TMEM220: variants seen among roughly 807,000 people sequenced by gnomAD.
TMEM220 encodes the protein transmembrane protein 220.
Under a neutral mutation model 21.7 loss-of-function variants are expected in TMEM220, and 21 were observed. That is an observed-to-expected ratio of 0.97 (90% CI 0.69 to 1.39). TMEM220 has a LOEUF of 1.39. Among genes scored for constraint, TMEM220 ranks in the 40% most tolerant of loss-of-function variants. The pLI is 0.00. For synonymous variants in TMEM220, 80 were observed against 73.6 expected, an observed-to-expected ratio of 1.09 and a Z score of -0.45; for missense variants, 191 against 201.9, an observed-to-expected ratio of 0.95 and a Z score of 0.33.
chr17:10,725,367 C>T (rs982978092), intron 3 of TMEM220, among the ~76,000 whole-genome samples: 1 of 152,164 alleles, frequency 6.6e-6, no homozygotes, highest in African/African-American at 2.4e-5. Context: ...AGGATGATTA[C>T]CCTTATTTTC....
chr17:10,729,688 C>A (rs912133069), intron 1 of TMEM220, 92 bp downstream of exon 1: 35 of 1,138,010 alleles, frequency 3.1e-5, no homozygotes, highest in Non-Finnish European at 3.7e-5. Context: ...TGCGCCCCTG[C>A]GACTCTGCCC....
In TMEM220 at chr17:10,715,292, C is replaced by T. The variant is rs2074898101; in HGVS notation, c.*161G>A. On this transcript the variant is annotated 3_prime_UTR_variant, in exon 6 of 6. Transcript: ENST00000341871. ...ATATCAGACCATCTCTTACTTGTCC[C>T]ATCCAATCTTACATCGAATTATATG... The T allele has an allele frequency of 5.2e-6, 3 of 578,040 alleles. No individual in the cohort carries two copies. The highest frequency in any genetic ancestry group is 2.0e-5 in the African/African-American group (1 of 50,740). The allele number at this position is 578,040 out of a possible 1,614,324, so 35.8% of individuals were successfully genotyped here.
At chr17:10,711,550 C>T (rs379403), downstream of TMEM220, among the ~76,000 whole-genome samples, 75,377 of 151,708 alleles carry the variant, frequency 0.5, 19,469 homozygotes, top group African/African-American at 0.65. Context: ...TGGACAATTT[C>T]TGCTCAGAAC....
chr17:10,726,150 T>A, intron 3 of TMEM220, 54 bp downstream of exon 3: 1 of 1,445,998 alleles, frequency 6.9e-7, no homozygotes, highest in Non-Finnish European at 9.7e-7. Flanking sequence ...AGACCCTCAT[T>A]ATTATGAGGA....
At chr17:10,726,336 G>C (rs2151480247) in intron 2 of TMEM220, 72 bp from the exon 3 acceptor site, 1 of 1,264,986 alleles carries the variant, frequency 7.9e-7, no homozygotes, top group East Asian at 2.3e-5. Context: ...CAGAGATACA[G>C]GAAGTAAAGA....
chr17:10,725,177 C>A (rs1255294089), intron 3 of TMEM220, 43 bp from the exon 4 acceptor site: 5 of 1,600,446 alleles, frequency 3.1e-6, no homozygotes, highest in Admixed American at 3.5e-5. Flanking sequence ...GGAATCACAG[C>A]CCACAGAAAA....
At chr17:10,711,599 T>C (rs531433630), downstream of TMEM220, among the ~76,000 whole-genome samples, 27 of 152,358 alleles carry the variant, frequency 1.8e-4, no homozygotes, top group African/African-American at 6.5e-4. Context: ...ATTCCCATTT[T>C]GTAAACAAAA....
chr17:10,723,225 C>A (rs542304357), intron 5 of TMEM220, 45 bp downstream of exon 5: 3 of 1,559,928 alleles, frequency 1.9e-6, no homozygotes, highest in Non-Finnish European at 2.7e-6. Context: ...GTGATCTGCC[C>A]GCCTCGGCCT....
At chr17:10,726,118 T>C in intron 3 of TMEM220, 86 bp downstream of exon 3, 3 of 1,095,396 alleles carry the variant, frequency 2.7e-6, no homozygotes, top group South Asian at 2.5e-5. Context: ...AGCCCCGTTT[T>C]ACTCCTGGGA....
At position 10,726,279 on chromosome 17, in the gene TMEM220, G is replaced by A. The variant is rs372265640; in HGVS notation, c.103-15C>T. ...GTGTACACCACCTGTTAGCAAAAAG[G>A]GAGGAAATTACATGAGTTAAGATGT... On this transcript the variant is annotated splice_polypyrimidine_tract_variant and intron_variant, in intron 2 of 5. Coordinates refer to ENST00000341871, the MANE Select transcript of TMEM220 (RefSeq NM_001004313.3). The A allele has an allele frequency of 3.5e-5, 56 of 1,610,630 alleles. No homozygotes were observed. The African/African-American group carries it at 6.3e-4, about 18-fold the overall frequency.
chr17:10,712,327 G>A (rs404344), downstream of TMEM220, among the ~76,000 whole-genome samples: 75,430 of 151,720 alleles, frequency 0.5, 19,498 homozygotes, highest in African/African-American at 0.65. Context: ...GGACACTTGT[G>A]GTAACATTCA....
intron 4 of TMEM220, among the ~76,000 whole-genome samples, chr17:10,723,761 G>A (rs2075019333): frequency 8.4e-6 from 1 of 119,648 alleles, no homozygotes; most frequent in Admixed American, 8.2e-5. Flanking sequence ...ACCAATACAT[G>A]ATCTGTGTAT....
At chr17:10,716,018 A>G in intron 5 of TMEM220, 1 of 522,370 alleles carries the variant, frequency 1.9e-6, no homozygotes, top group East Asian at 4.5e-5. Flanking sequence ...AATGTTCTTG[A>G]TAATGGTAAT....
At position 10,729,767 on chromosome 17, in the gene TMEM220, G is replaced by C. The variant is rs1213577957; in HGVS notation, c.72+13C>G. ...GAGCCGGGCGGGTCCCCCTCCCACC[G>C]CGGCCGCCTGACCTGCACCAAGGCC... On this transcript the variant is annotated intron_variant, in intron 1 of 5. Coordinates refer to ENST00000341871, the MANE Select transcript of TMEM220 (RefSeq NM_001004313.3). 2.9e-6 allele frequency: 4 copies of C among 1,360,624 alleles called. No homozygotes were observed. The South Asian group carries it at 6.7e-5, about 23-fold the overall frequency. 84.3% of individuals were successfully genotyped at this position (1,360,624 alleles called of 1,614,324 possible). A position where few individuals can be genotyped will look rare whatever the true frequency, so the allele number is the denominator to read the frequency against.
chr17:10,726,412 T>C (rs920610247), intron 2 of TMEM220, 148 bp from the exon 3 acceptor site: 9 of 675,922 alleles, frequency 1.3e-5, no homozygotes, highest in Non-Finnish European at 2.1e-5. Context: ...ATTGAGAAAG[T>C]GGTAGATTCT....
At chr17:10,720,688 T>C (rs1034936718) in intron 5 of TMEM220, among the ~76,000 whole-genome samples, 4 of 152,316 alleles carry the variant, frequency 2.6e-5, no homozygotes, top group Non-Finnish European at 4.4e-5. Flanking sequence ...CAATTAGCCC[T>C]AGAAATAAAT....
At chr17:10,718,950 T>C (rs114262158) in intron 5 of TMEM220, among the ~76,000 whole-genome samples, 523 of 152,358 alleles carry the variant, frequency 3.4e-3, no homozygotes, top group African/African-American at 0.012. Flanking sequence ...TATATTGTTA[T>C]TTTTCTTTTT....
intron 2 of TMEM220, among the ~76,000 whole-genome samples, chr17:10,727,915 C>G (rs1344427398): frequency 6.6e-6 from 1 of 152,140 alleles, no homozygotes; most frequent in Non-Finnish European, 1.5e-5. Flanking sequence ...AATCCCAGCA[C>G]TTTGGGAGGC....
intron 4 of TMEM220, 94 bp downstream of exon 4, chr17:10,724,917 A>G: frequency 6.5e-7 from 1 of 1,531,622 alleles, no homozygotes; most frequent in Non-Finnish European, 9.0e-7. Context: ...GGGGGAATTC[A>G]GTTATCATTG....
Sources: gnomAD v4.1 joint callset for allele counts (sites outside exome capture counted in the v4.1 genomes callset) on GRCh38, gnomAD v4.1.1 for gene constraint, MANE v1.5 for transcripts, NCBI Gene and HGNC (gene_info 2026-07-23, HGNC 2026-07-21) for gene names.